Variants in MYOM1 observed in about 807,000 individuals in gnomAD.
MYOM1 encodes the protein myomesin-1.
Under a neutral mutation model 205.3 loss-of-function variants are expected in MYOM1, and 164 were observed. That is an observed-to-expected ratio of 0.80 (90% CI 0.70 to 0.91). The LOEUF is 0.91. Among genes scored for constraint, MYOM1 ranks in the 40% least tolerant of loss-of-function variants. MYOM1 has a pLI of 0.00. For synonymous variants in MYOM1, 772 were observed against 789.4 expected, an observed-to-expected ratio of 0.98 and a Z score of 0.37; for missense variants, 2,011 against 2,127.3, an observed-to-expected ratio of 0.95 and a Z score of 1.08.
chr18:3,132,747 A>G (rs1426473887), intron 16 of MYOM1, among the ~76,000 whole-genome samples: 1 of 152,176 alleles, frequency 6.6e-6, no homozygotes, highest in African/African-American at 2.4e-5. Context: ...TGGATTCTAG[A>G]ATTACCATTT....
chr18:3,151,359 C>T (rs1205412794), intron 12 of MYOM1, among the ~76,000 whole-genome samples: 1 of 151,538 alleles, frequency 6.6e-6, no homozygotes, highest in African/African-American at 2.4e-5. Flanking sequence ...AAATGCTCTC[C>T]AGCCTCTTTG....
intron 37 of MYOM1, among the ~76,000 whole-genome samples, chr18:3,071,021 A>G (rs2078953604): frequency 6.6e-6 from 1 of 152,002 alleles, no homozygotes; most frequent in East Asian, 1.9e-4. Context: ...GGCCTCCCAA[A>G]GTGTTGAGAT....
upstream of MYOM1, among the ~76,000 whole-genome samples, chr18:3,222,126 C>T (rs2081335136): frequency 6.6e-6 from 1 of 152,214 alleles, no homozygotes; most frequent in South Asian, 2.1e-4. Context: ...ATTAAGTTTT[C>T]AGGATAATCA....
intron 2 of MYOM1, among the ~76,000 whole-genome samples, chr18:3,214,594 C>A (rs565563755): frequency 3.3e-5 from 5 of 152,084 alleles, no homozygotes; most frequent in African/African-American, 1.2e-4. Context: ...GAGGCCCAGG[C>A]GGGTGGAACA....
the MYOM1 span, among the ~76,000 whole-genome samples, chr18:3,231,835 C>T: frequency 6.9e-6 from 1 of 144,964 alleles, no homozygotes; most frequent in African/African-American, 2.6e-5. Flanking sequence ...AGCCACTGCG[C>T]CCAGCCGCAT....
chr18:3,127,295 ATATATATATATT>A (rs1434172277), intron 18 of MYOM1, among the ~76,000 whole-genome samples: 88 of 44,894 alleles, frequency 2.0e-3, no homozygotes, highest in African/African-American at 8.6e-3. Flanking sequence ...ATATATATAT[ATATATATATATT>A]TTTTTTTTTT....
At chr18:3,111,977 G>A (rs1201884623) in intron 22 of MYOM1, among the ~76,000 whole-genome samples, 2 of 152,164 alleles carry the variant, frequency 1.3e-5, no homozygotes, top group Non-Finnish European at 1.5e-5. Context: ...AGACTTAATG[G>A]CCAGGGTGTA....
rs1378777880 is a variant in MYOM1, at chr18:3,119,780, C to G, written c.3118+89G>C. 3 of 1,454,608 alleles carry G rather than the reference C, an allele frequency of 2.1e-6. No homozygotes were observed. The East Asian group carries it at 7.1e-5, about 35-fold the overall frequency. The allele number at this position is 1,454,608 out of a possible 1,614,324, so 90.1% of individuals were successfully genotyped here. On this transcript the variant is annotated intron_variant, in intron 20 of 37. Coordinates refer to ENST00000356443, the MANE Select transcript of MYOM1 (RefSeq NM_003803.4). ...GAATTCTTTTCCCTTAAATATTGAC[C>G]ATATAGTACTTTGAATTTCATTCCA...
the MYOM1 span, among the ~76,000 whole-genome samples, chr18:3,236,055 C>T: frequency 4.6e-5 from 7 of 152,230 alleles, no homozygotes; most frequent in South Asian, 1.5e-3. Context: ...GGGAAGTTCC[C>T]AGAACCTGAG....
chr18:3,165,614 C>T (rs2080456533), intron 9 of MYOM1, among the ~76,000 whole-genome samples: 1 of 151,880 alleles, frequency 6.6e-6, no homozygotes. Flanking sequence ...TCTACATGTA[C>T]ACTTTTATTT....
At chr18:3,086,215 G>A (rs572319818) in intron 29 of MYOM1, 64 bp from the exon 30 acceptor site, 1 of 930,900 alleles carries the variant, frequency 1.1e-6, no homozygotes, top group Non-Finnish European at 1.6e-6. Context: ...AAGTTGAATA[G>A]TTCTTAATGC....
rs200724680 is a variant in MYOM1 at position 3,135,777 on chromosome 18, C to T, written c.2026-47G>A. 1,838 of 1,603,278 alleles carry T rather than the reference C, an allele frequency of 1.1e-3. 1 individual carries two copies. Among genetic ancestry groups the T allele is most frequent in the Admixed American group, 1.7e-3 (103 of 59,472 alleles). On this transcript the variant is annotated intron_variant, in intron 14 of 37. Transcript: ENST00000356443. This position sits in a 1 kb window ranked among gnomAD's most constrained non-coding sequence, Gnocchi z 4.1. Reference sequence around the variant, plus strand: ...CCATTGAAAGCACAGCAAACACAAGCGAGAATCCAGGCCAGGCAACTCCAA... The same window carrying T: ...CCATTGAAAGCACAGCAAACACAAGTGAGAATCCAGGCCAGGCAACTCCAA...
At position 3,189,795 on chromosome 18, in the gene MYOM1, C is replaced by T. The variant is rs1463380877; in HGVS notation, c.432-708G>A. ...TGTTTAAAATAAAAGATTATGGTTC[C>T]TTTCCAGAAAAGCTATATTGTCAAA... On this transcript the variant is annotated intron_variant, in intron 3 of 37. Transcript: ENST00000356443. This position sits in a 1 kb window ranked among gnomAD's most constrained non-coding sequence, Gnocchi z 4.8. Among the ~76,000 whole-genome samples the T allele has an allele frequency of 1.3e-5, 2 of 152,156 alleles. No homozygotes were observed. Among genetic ancestry groups the T allele is most frequent in the East Asian group, 3.8e-4 (2 of 5,198 alleles).
At chr18:3,118,997 C>A (rs1042518097) in intron 20 of MYOM1, among the ~76,000 whole-genome samples, 3 of 152,154 alleles carry the variant, frequency 2.0e-5, no homozygotes, top group African/African-American at 4.8e-5. Context: ...TAAAATCACC[C>A]CCCGCATACC....
Position 3,151,851 on chromosome 18 carries a change from T to A in MYOM1, c.1686A>T (p.Thr562=). 6.2e-7 allele frequency: 1 copy of A among 1,613,294 alleles called. No homozygotes were observed. The highest frequency in any genetic ancestry group is 8.5e-7 in the Non-Finnish European group (1 of 1,179,474). ...CAGGAAAACGAGCAAACTTCACAGG[T>A]GTGTCATTGCACTGCGACCAGCTAT... ...GTDSWSQCND[T]PVKFARFPVT... is the part of the protein sequence containing the mutation. Residue 562 remains threonine, a synonymous_variant, in exon 12 of 38, where the codon ACA becomes ACT. Transcript: ENST00000356443.
the MYOM1 span, among the ~76,000 whole-genome samples, chr18:3,239,178 TTGA>T: frequency 2.6e-5 from 4 of 152,164 alleles, no homozygotes; most frequent in African/African-American, 7.2e-5. Flanking sequence ...CAGAGAGAAC[TTGA>T]TGATGCAGGA....
chr18:3,151,620 C>A lies in MYOM1; in HGVS notation c.1843+74G>T, dbSNP rs1419632730. The A allele has an allele frequency of 5.9e-6, 8 of 1,362,034 alleles. No homozygotes were observed. The East Asian group carries it at 1.9e-4, about 32-fold the overall frequency. The allele number at this position is 1,362,034 out of a possible 1,614,324, so 84.4% of individuals were successfully genotyped here. ...CTCTAGTGGAAGGGAGAGAAACAAC[C>A]TTGCAATGAAGCTGATTCTTGCAGT... is the stretch of plus-strand genomic sequence containing the variant. On this transcript the variant is annotated intron_variant, in intron 12 of 37. Transcript: ENST00000356443.
chr18:3,101,531 G>A (rs919110305), intron 23 of MYOM1, among the ~76,000 whole-genome samples: 2 of 152,108 alleles, frequency 1.3e-5, no homozygotes, highest in Non-Finnish European at 2.9e-5. Context: ...TGGTAGAGAT[G>A]GGCCTAGAGC....
chr18:3,207,694 C>A (rs72861647), intron 2 of MYOM1, among the ~76,000 whole-genome samples: 1 of 152,096 alleles, frequency 6.6e-6, no homozygotes, highest in Non-Finnish European at 1.5e-5. Flanking sequence ...TGGCCAGTGC[C>A]GACACTATGG....
Sources: gnomAD v4.1 joint callset for allele counts (sites outside exome capture counted in the v4.1 genomes callset) on GRCh38, gnomAD v4.1.1 for gene constraint, Gnocchi (gnomAD v3.1) non-coding constraint, MANE v1.5 for transcripts, NCBI Gene and HGNC (gene_info 2026-07-23, HGNC 2026-07-21) for gene names.